Variants in DNAJA2 observed in about 807,000 individuals in gnomAD.
DNAJA2 encodes the protein DnaJ heat shock protein family (Hsp40) member A2.
In DNAJA2, 6 loss-of-function variants were observed where a neutral mutation model predicts 49.3. The observed-to-expected ratio is 0.12, with a 90% confidence interval of 0.07 to 0.24. The LOEUF (loss-of-function observed/expected upper bound fraction) is 0.24. Among genes scored for constraint, DNAJA2 ranks in the 10% least tolerant of loss-of-function variants. The pLI is 1.00. For synonymous variants in DNAJA2, 160 were observed against 172.7 expected (o/e 0.93, Z 0.58); for missense variants, 347 against 516.8 (o/e 0.67, Z 3.19).
chr16:46,958,150 TAA>T (rs906263175), intron 8 of DNAJA2, among the ~76,000 whole-genome samples: 6 of 151,762 alleles, frequency 4.0e-5, no homozygotes, highest in African/African-American at 1.2e-4. Context: ...AACATCTCTA[TAA>T]AAAGTTTTAA....
chr16:46,957,935 T>A (rs1200420708), intron 8 of DNAJA2, among the ~76,000 whole-genome samples: 1 of 152,084 alleles, frequency 6.6e-6, no homozygotes, highest in Non-Finnish European at 1.5e-5. Context: ...TACAATTCCC[T>A]GCTTGGCCCC....
chr16:46,969,538 A>G (rs1962017249), intron 3 of DNAJA2, among the ~76,000 whole-genome samples: 1 of 152,226 alleles, frequency 6.6e-6, no homozygotes. Context: ...ATGGTTTGGC[A>G]AGGCTGGCAC....
At chr16:46,961,537 T>C (rs914140339) in intron 6 of DNAJA2, among the ~76,000 whole-genome samples, 61 of 149,042 alleles carry the variant, frequency 4.1e-4, no homozygotes, top group African/African-American at 1.1e-3. Context: ...AAAAATACAA[T>C]TGCGCCACTA....
chr16:46,956,447 AAAAAAG>A lies in DNAJA2; in HGVS notation c.*576_*581del, dbSNP rs1162532426. The A allele has an allele frequency of 6.6e-5, 10 of 151,928 alleles. No individual in the cohort carries two copies. Among genetic ancestry groups the A allele is most frequent in the Non-Finnish European group, 1.5e-4 (10 of 67,872 alleles). 9.4% of individuals were successfully genotyped at this position (151,928 alleles called of 1,614,324 possible). A position where few individuals can be genotyped will look rare whatever the true frequency, so the allele number is the denominator to read the frequency against. Reference sequence around the variant, plus strand: ...CCTTTCACAAGATGGTAAAAAAAAAAAAAAAGAAAAAAGAAAAAAAAAACAAAACCA... The same window carrying A: ...CCTTTCACAAGATGGTAAAAAAAAAAAAAAAAGAAAAAAAAAACAAAACCA... On this transcript the variant is annotated 3_prime_UTR_variant, in exon 9 of 9. Coordinates refer to ENST00000317089, the MANE Select transcript of DNAJA2 (RefSeq NM_005880.4).
At chr16:46,962,280 TGATCTACTTTTA>T (rs1961907485) in intron 6 of DNAJA2, among the ~76,000 whole-genome samples, 2 of 152,168 alleles carry the variant, frequency 1.3e-5, no homozygotes, top group African/African-American at 2.4e-5. Flanking sequence ...CCAAATCCAA[TGATCTACTTTTA>T]AAAACCCAAT....
chr16:46,956,881 T>C lies in DNAJA2; in HGVS notation c.*148A>G, dbSNP rs571576125. ...TGGTTAGTTTAAATTATACACTCTG[T>C]AGATACTATACCAATTTTAAAAGTT... On this transcript the variant is annotated 3_prime_UTR_variant, in exon 9 of 9. Transcript: ENST00000317089. 2.0e-4 allele frequency: 167 copies of C among 816,508 alleles called. No homozygotes were observed. The highest frequency in any genetic ancestry group is 1.8e-3 in the South Asian group (114 of 63,382). 50.6% of individuals were successfully genotyped at this position (816,508 alleles called of 1,614,324 possible). A position where few individuals can be genotyped will look rare whatever the true frequency, so the allele number is the denominator to read the frequency against.
chr16:46,968,504 C>G (rs1223784571), intron 3 of DNAJA2, among the ~76,000 whole-genome samples: 1 of 152,188 alleles, frequency 6.6e-6, no homozygotes, highest in East Asian at 1.9e-4. Flanking sequence ...CCACCTAACT[C>G]CTAATAAAAA....
At chr16:46,973,448 G>A in intron 1 of DNAJA2, 47 bp downstream of exon 1, 1 of 1,540,026 alleles carries the variant, frequency 6.5e-7, no homozygotes, top group Non-Finnish European at 8.7e-7. Context: ...ATCCCTGGCC[G>A]CGCAGGCCCC....
intron 7 of DNAJA2, 23 bp from the exon 8 acceptor site, chr16:46,959,153 T>C (rs1596654466): frequency 6.3e-7 from 1 of 1,582,754 alleles, no homozygotes; most frequent in African/African-American, 1.4e-5. Context: ...AGGAAATGAT[T>C]AATAATTTTA....
At chr16:46,966,510 A>C (rs1567354081) in intron 5 of DNAJA2, among the ~76,000 whole-genome samples, 1 of 152,236 alleles carries the variant, frequency 6.6e-6, no homozygotes, top group Non-Finnish European at 1.5e-5. Flanking sequence ...GACACTGCAG[A>C]TACAGAACAT....
In DNAJA2 at chr16:46,955,563, T is replaced by C. The variant is rs1204338193; in HGVS notation, c.*1466A>G. The C allele has an allele frequency of 6.6e-6, 1 of 152,222 alleles. No individual in the cohort carries two copies. The highest frequency in any genetic ancestry group is 1.5e-5 in the Non-Finnish European group (1 of 68,046). The allele number at this position is 152,222 out of a possible 1,614,324, so 9.4% of individuals were successfully genotyped here. On this transcript the variant is annotated 3_prime_UTR_variant, in exon 9 of 9. Transcript: ENST00000317089. Reference sequence around the variant, plus strand: ...ATAATTTAAACCTCACAGGACTTGATTAGTGTCAGCACACCTTTTTTCATT... The same window carrying C: ...ATAATTTAAACCTCACAGGACTTGACTAGTGTCAGCACACCTTTTTTCATT...
chr16:46,968,950 G>A (rs769169552), intron 3 of DNAJA2, among the ~76,000 whole-genome samples: 1 of 152,200 alleles, frequency 6.6e-6, no homozygotes, highest in Non-Finnish European at 1.5e-5. Flanking sequence ...AGGAGGCTGA[G>A]GCAGGGGAAT....
intron 7 of DNAJA2, 52 bp downstream of exon 7, chr16:46,959,223 A>T (rs1041129682): frequency 6.3e-7 from 1 of 1,582,492 alleles, no homozygotes; most frequent in African/African-American, 1.4e-5. Context: ...TACAAATTGT[A>T]ATTTTTTTCA....
At chr16:46,962,577 G>A (rs570194719) in intron 6 of DNAJA2, among the ~76,000 whole-genome samples, 1 of 152,254 alleles carries the variant, frequency 6.6e-6, no homozygotes, top group African/African-American at 2.4e-5. Flanking sequence ...TAGCTGTCTT[G>A]CTAGCTTTCT....
intron 3 of DNAJA2, among the ~76,000 whole-genome samples, chr16:46,970,807 G>A (rs928515441): frequency 3.4e-5 from 5 of 148,662 alleles, no homozygotes; most frequent in Admixed American, 6.9e-5. Flanking sequence ...GGGAGGCCGA[G>A]GCAGGCAGAT....
At position 46,959,277 on chromosome 16, in the gene DNAJA2, G is replaced by C. The variant is rs771957552; in HGVS notation, c.917C>G (p.Pro306Arg). The change falls in exon 7 of 9, where the codon CCA (proline) becomes CGA (arginine). Residue 306 changes from proline to arginine, a missense_variant and splice_region_variant. Coordinates refer to ENST00000317089, the MANE Select transcript of DNAJA2 (RefSeq NM_005880.4). ...VKYPPGKVIE[P>R]GCVRVVRGEG... ...AATCGGACAAAATCAAGATTTACCT[G>C]GTTCAATTACTTTGCCAGGGGGGTA... 1 of 1,610,540 alleles carries C rather than the reference G, an allele frequency of 6.2e-7. No individual in the cohort carries two copies. Among genetic ancestry groups the C allele is most frequent in the Non-Finnish European group, 8.5e-7 (1 of 1,178,904 alleles).
rs1962054584 is a variant in DNAJA2 at position 46,971,811 on chromosome 16, T to G, written c.138+85A>C. 4 of 1,269,616 alleles carry G rather than the reference T, an allele frequency of 3.2e-6. No individual in the cohort carries two copies. In the Admixed American group the frequency reaches 7.1e-5, roughly 23 times the overall value. The allele number at this position is 1,269,616 out of a possible 1,614,324, so 78.6% of individuals were successfully genotyped here. A position where few individuals can be genotyped will look rare whatever the true frequency, so the allele number is the denominator to read the frequency against. On this transcript the variant is annotated intron_variant, in intron 2 of 8. Coordinates refer to ENST00000317089, the MANE Select transcript of DNAJA2 (RefSeq NM_005880.4). ...GGCTGTGTGGGCATAGTTGGATTTT[T>G]TTCCTGCAACATTCCTCTTTTTCAA...
At position 46,971,552 on chromosome 16, in the gene DNAJA2, T is replaced by C. The variant is rs956222738; in HGVS notation, c.159A>G (p.Ala53=). ...TCTCAGGATTTGATAGTACTTCATA[T>C]GCAAAACTTATTTCTTTAAACTATA... The part of the protein sequence containing the change: ...AGDKFKEISF[A]YEVLSNPEKR... Residue 53 remains alanine, a synonymous_variant, in exon 3 of 9, where the codon GCA becomes GCG. Coordinates refer to ENST00000317089, the MANE Select transcript of DNAJA2 (RefSeq NM_005880.4). 6.3e-7 allele frequency: 1 copy of C among 1,586,852 alleles called. No homozygotes were observed. Among genetic ancestry groups the C allele is most frequent in the Non-Finnish European group, 8.5e-7 (1 of 1,172,804 alleles).
chr16:46,973,168 G>C (rs1962081423), intron 1 of DNAJA2, among the ~76,000 whole-genome samples: 1 of 152,164 alleles, frequency 6.6e-6, no homozygotes, highest in South Asian at 2.1e-4. Flanking sequence ...GCGAAGGACC[G>C]GGCGAGCTGC....
Sources: allele counts gnomAD v4.1 joint callset (sites outside exome capture counted in the v4.1 genomes callset), GRCh38; gene constraint gnomAD v4.1.1; transcripts MANE v1.5; gene names NCBI Gene and HGNC (gene_info 2026-07-23, HGNC 2026-07-21).